RARB: variants seen among roughly 807,000 people sequenced by gnomAD.
The protein encoded by RARB is retinoic acid receptor beta.
Under a neutral mutation model 51.9 loss-of-function variants are expected in RARB, and 17 were observed. The observed-to-expected ratio is 0.33, with a 90% CI of 0.22 to 0.49. The LOEUF (loss-of-function observed/expected upper bound fraction) is 0.49. Ranked by LOEUF, RARB falls within the 20% of genes least tolerant of loss-of-function variation. The probability of loss-of-function intolerance (pLI) is 0.99; values close to 1 mark genes in which losing one functional copy is unlikely to be tolerated. For synonymous variants in RARB, 215 were observed against 195.4 expected, an observed-to-expected ratio of 1.10 and a Z score of -0.84; for missense variants, 369 against 550.8, an observed-to-expected ratio of 0.67 and a Z score of 3.30.
chr3:25,264,447 C>G (rs1423029588), intron 5 of RARB, among the ~76,000 whole-genome samples: 1 of 152,068 alleles, frequency 6.6e-6, no homozygotes, highest in African/African-American at 2.4e-5. Context: ...TGAATTTGGT[C>G]TTTCTCTGTT....
At chr3:25,051,450 C>G (rs1024083976) in intron 2 of RARB, among the ~76,000 whole-genome samples, 3 of 152,018 alleles carry the variant, frequency 2.0e-5, no homozygotes, top group African/African-American at 7.2e-5. Context: ...AGAATCCAGC[C>G]TCATTGAATC....
intron 5 of RARB, among the ~76,000 whole-genome samples, chr3:25,362,083 C>T (rs11709436): frequency 6.6e-6 from 1 of 152,028 alleles, no homozygotes. Context: ...CACCCACAGC[C>T]GCCCCTTCCT....
At chr3:25,311,866 A>T (rs1704299048) in intron 5 of RARB, among the ~76,000 whole-genome samples, 2 of 152,160 alleles carry the variant, frequency 1.3e-5, no homozygotes, top group South Asian at 4.1e-4. Flanking sequence ...GGATACTCAC[A>T]CTCAAGCTCT....
intron 2 of RARB, among the ~76,000 whole-genome samples, chr3:25,048,569 G>A (rs780267081): frequency 1.2e-4 from 18 of 151,878 alleles, no homozygotes; most frequent in Non-Finnish European, 2.5e-4. Context: ...TACATTTCTG[G>A]GACATTCTGT....
At chr3:25,060,843 T>G (rs991573593) in intron 3 of RARB, among the ~76,000 whole-genome samples, 3 of 151,854 alleles carry the variant, frequency 2.0e-5, no homozygotes, top group African/African-American at 7.2e-5. Context: ...ATCTTGAAGA[T>G]TAAATGAAAT....
intron 2 of RARB, among the ~76,000 whole-genome samples, chr3:24,863,363 C>G (rs909951743): frequency 6.6e-6 from 1 of 152,142 alleles, no homozygotes; most frequent in Non-Finnish European, 1.5e-5. Flanking sequence ...CTATAAAACG[C>G]TGATAGTTAA....
chr3:25,569,038 G>A (rs890532949), intron 3 of RARB, among the ~76,000 whole-genome samples: 2 of 152,244 alleles, frequency 1.3e-5, no homozygotes, highest in Non-Finnish European at 2.9e-5. Flanking sequence ...AGAGGGAAAG[G>A]ACACACACCT....
At chr3:24,865,589 T>G (rs908131236) in intron 2 of RARB, among the ~76,000 whole-genome samples, 1 of 152,156 alleles carries the variant, frequency 6.6e-6, no homozygotes, top group African/African-American at 2.4e-5. Context: ...GTAGCCCTCT[T>G]CCACCTCTCT....
intron 2 of RARB, among the ~76,000 whole-genome samples, chr3:24,984,526 C>A (rs555937904): frequency 6.6e-6 from 1 of 152,106 alleles, no homozygotes; most frequent in Non-Finnish European, 1.5e-5. Context: ...CATAATCTCA[C>A]TTATATGTGG....
intron 5 of RARB, among the ~76,000 whole-genome samples, chr3:25,341,777 C>T (rs4681048): frequency 1.3e-5 from 2 of 151,594 alleles, no homozygotes; most frequent in Admixed American, 1.3e-4. Context: ...AACAGCCCCC[C>T]ATAACAAAGA....
intron 2 of RARB, among the ~76,000 whole-genome samples, chr3:24,975,368 C>T (rs1283751020): frequency 6.6e-6 from 1 of 152,040 alleles, no homozygotes; most frequent in Non-Finnish European, 1.5e-5. Flanking sequence ...TACTACACTC[C>T]AGGCACTGTT....
chr3:25,145,583 T>G (rs1318350565), intron 4 of RARB, among the ~76,000 whole-genome samples: 1 of 152,198 alleles, frequency 6.6e-6, no homozygotes, highest in Non-Finnish European at 1.5e-5. Context: ...TCAGTCTGAT[T>G]GTTCCAGTGG....
chr3:25,111,899 C>A (rs990663111), intron 3 of RARB, among the ~76,000 whole-genome samples: 1 of 151,948 alleles, frequency 6.6e-6, no homozygotes, highest in African/African-American at 2.4e-5. Flanking sequence ...TATTCATTTC[C>A]CCCCTTTTAC....
intron 2 of RARB, among the ~76,000 whole-genome samples, chr3:24,988,320 G>A (rs1575107533): frequency 6.6e-6 from 1 of 152,194 alleles, no homozygotes; most frequent in East Asian, 1.9e-4. Context: ...TTAAATCAAG[G>A]TCAAGAATGC....
intron 5 of RARB, among the ~76,000 whole-genome samples, chr3:25,205,757 T>C (rs1346062357): frequency 6.6e-6 from 1 of 150,732 alleles, no homozygotes; most frequent in Non-Finnish European, 1.5e-5. Flanking sequence ...TTTTTTTTTT[T>C]CTTGAGACGG....
chr3:24,955,843 A>G (rs1387409560), intron 2 of RARB, among the ~76,000 whole-genome samples: 1 of 152,070 alleles, frequency 6.6e-6, no homozygotes, highest in Admixed American at 6.6e-5. Context: ...TCTTATGTAG[A>G]TCAAGCCCCC....
intron 1 of RARB, among the ~76,000 whole-genome samples, chr3:25,434,457 A>G (rs550447221): frequency 6.6e-6 from 1 of 152,168 alleles, no homozygotes; most frequent in East Asian, 1.9e-4. Context: ...ATCCACTCAC[A>G]AACCTCGCCA....
chr3:25,093,289 G>A (rs528326456), intron 3 of RARB, among the ~76,000 whole-genome samples: 5 of 152,166 alleles, frequency 3.3e-5, no homozygotes, highest in East Asian at 1.9e-4. Flanking sequence ...TTTAATTTTT[G>A]TTGGTGAAAA....
intron 2 of RARB, among the ~76,000 whole-genome samples, chr3:24,886,800 A>G (rs1342277240): frequency 6.6e-6 from 1 of 152,174 alleles, no homozygotes; most frequent in African/African-American, 2.4e-5. Flanking sequence ...TGATATCTGT[A>G]AAGGCAGTAA....
Sources: gnomAD v4.1 joint callset for allele counts (sites outside exome capture counted in the v4.1 genomes callset) on GRCh38, gnomAD v4.1.1 for gene constraint, MANE v1.5 for transcripts, NCBI Gene and HGNC (gene_info 2026-07-23, HGNC 2026-07-21) for gene names.